Variants in DSCAML1 observed in about 807,000 individuals in gnomAD.
DSCAML1 encodes the protein DS cell adhesion molecule like 1.
A neutral mutation model predicts 200.5 loss-of-function variants in DSCAML1; 38 were observed. That is an observed-to-expected ratio of 0.19 (90% CI 0.15 to 0.25). DSCAML1 has a LOEUF of 0.25. Ranked by LOEUF, DSCAML1 falls within the 10% of genes least tolerant of loss-of-function variation. The probability of loss-of-function intolerance (pLI) is 1.00; values close to 1 mark genes in which losing one functional copy is unlikely to be tolerated. For synonymous variants in DSCAML1, 1,215 were observed against 1,165.0 expected (o/e 1.04, Z -0.87); for missense variants, 2,223 against 2,858.8 (o/e 0.78, Z 5.07).
At chr11:117,449,635 G>T (rs534893603) in intron 20 of DSCAML1, among the ~76,000 whole-genome samples, 2 of 152,028 alleles carry the variant, frequency 1.3e-5, no homozygotes, top group African/African-American at 2.4e-5. Context: ...CCTTGCTTCC[G>T]TTCCTTGCTT....
chr11:117,680,745 A>G (rs2053296163), intron 3 of DSCAML1, among the ~76,000 whole-genome samples: 1 of 152,184 alleles, frequency 6.6e-6, no homozygotes, highest in Admixed American at 6.5e-5. Flanking sequence ...CCAAGGAAAG[A>G]TCAAACAGGG....
At chr11:117,448,207 C>A (rs1465843371) in intron 20 of DSCAML1, among the ~76,000 whole-genome samples, 5 of 152,188 alleles carry the variant, frequency 3.3e-5, no homozygotes, top group Admixed American at 3.3e-4. Flanking sequence ...GGACACCAAC[C>A]TTGGAAAGAC....
chr11:117,532,121 A>T (rs1263392338), intron 4 of DSCAML1, among the ~76,000 whole-genome samples: 2 of 133,784 alleles, frequency 1.5e-5, no homozygotes, highest in African/African-American at 6.0e-5. Context: ...CAGCTTCCTG[A>T]CAGGAAAGAC....
Position 117,428,677 on chromosome 11 carries a change from T to C in DSCAML1, c.5813A>G (p.His1938Arg), listed in dbSNP as rs756455771. 7 of 1,612,526 alleles carry C rather than the reference T, an allele frequency of 4.3e-6. No homozygotes were observed. Among genetic ancestry groups the C allele is most frequent in the South Asian group, 1.1e-5 (1 of 90,610 alleles). ...ASIRNLARTY[H>R]TQARHLTLDP... ...CAGGGTCAGGTGGCGAGCCTGGGTG[T>C]GGTAGGTTCGAGCCAGGTTCCGGAT... Residue 1938 changes from histidine (H) to arginine (R), a missense_variant, in exon 33 of 33, where the codon CAC becomes CGC. By Grantham distance (29) the His-to-Arg change is conservative (BLOSUM62 0). Coordinates refer to ENST00000651296, the MANE Select transcript of DSCAML1 (RefSeq NM_020693.4).
In DSCAML1 at chr11:117,675,470, A is replaced by ATTTTTT. The variant is rs533948278; in HGVS notation, c.511+101315_511+101320dup. Among the ~76,000 whole-genome samples, 407 of 96,914 alleles carry ATTTTTT rather than the reference A, an allele frequency of 4.2e-3. 5 individuals carry two copies. Among genetic ancestry groups the ATTTTTT allele is most frequent in the South Asian group, 9.5e-3 (21 of 2,210 alleles). The allele number at this position is 96,914 out of a possible 152,430, so 63.6% of individuals were successfully genotyped here. A position where few individuals can be genotyped will look rare whatever the true frequency, so the allele number is the denominator to read the frequency against. On this transcript the variant is annotated intron_variant, in intron 3 of 32. Transcript: ENST00000651296. ...GTGCCCCTATGCCTGGCTGATTGAA[A>ATTTTTT]TTTTTTTTTTTTTTTTTTTTTTTTT...
Position 117,797,134 on chromosome 11 carries a change from A to G in DSCAML1, c.-55T>C, listed in dbSNP as rs2055597120. ...GTGGTCCTGTGGCCGGCCGTGCGGC[A>G]GCGCCTCTCCCCCGCTCAGCGCGCT... On this transcript the variant is annotated 5_prime_UTR_variant, in exon 1 of 33. Transcript: ENST00000651296. The G allele has an allele frequency of 1.3e-6, 2 of 1,591,242 alleles. No homozygotes were observed. The highest frequency in any genetic ancestry group is 1.7e-6 in the Non-Finnish European group (2 of 1,170,012).
rs114000558 is a variant in DSCAML1, at chr11:117,491,218, C to T, written c.2360-9056G>A. The stretch of plus-strand genomic sequence containing the variant: ...AAAAGGAAGCCTGGGTACATCTTCA[C>T]CCCATTCATGGGCATGACTACGATA... On this transcript the variant is annotated intron_variant, in intron 11 of 32. Coordinates refer to ENST00000651296, the MANE Select transcript of DSCAML1 (RefSeq NM_020693.4). Among the ~76,000 whole-genome samples, 869 of 152,326 alleles carry T rather than the reference C, an allele frequency of 5.7e-3. 6 individuals carry two copies. The highest frequency in any genetic ancestry group is 0.02 in the African/African-American group (820 of 41,562).
intron 3 of DSCAML1, among the ~76,000 whole-genome samples, chr11:117,613,258 G>A (rs1214304577): frequency 6.6e-6 from 1 of 151,962 alleles, no homozygotes; most frequent in African/African-American, 2.4e-5. Flanking sequence ...TGCTGGGGAC[G>A]CACACCAGGC....
chr11:117,437,293 A>G lies in DSCAML1; in HGVS notation c.4549T>C (p.Tyr1517His), dbSNP rs748837469. The G allele has an allele frequency of 2.5e-6, 4 of 1,614,248 alleles. No homozygotes were observed. Among genetic ancestry groups the G allele is most frequent in the South Asian group, 1.1e-5 (1 of 91,086 alleles). The change falls in exon 26 of 33, where the codon TAC (tyrosine) becomes CAC (histidine). Residue 1517 changes from tyrosine to histidine, a missense_variant. By Grantham distance (83) the Tyr-to-His change is moderately conservative. Coordinates refer to ENST00000651296, the MANE Select transcript of DSCAML1 (RefSeq NM_020693.4). The surrounding 1 kb of genome is among the most constrained non-coding windows in gnomAD (Gnocchi z 5.3). The part of the protein sequence containing the change: ...GCPITAIVLE[Y>H]RPKGTWAWQG... The stretch of plus-strand genomic sequence containing the variant: ...CAGGCCCAGGTCCCCTTGGGCCGGT[A>G]CTCCAGAACGATGGCTGTGATAGGG...
rs369532342 is a variant in DSCAML1 at position 117,539,351 on chromosome 11, T to C, written c.512-6829A>G. On this transcript the variant is annotated intron_variant, in intron 3 of 32. Transcript: ENST00000651296. ...GGCTGGGCGCAGTGGCTCACACCTA[T>C]AATCCCAGTACTTTGGGAGGCCAAG... 8.5e-5 allele frequency among the ~76,000 whole-genome samples: 13 copies of C among 152,154 alleles called. No individual in the cohort carries two copies. In the South Asian group the frequency reaches 2.7e-3, roughly 32 times the overall value.
chr11:117,614,249 G>A (rs1358998156), intron 3 of DSCAML1, among the ~76,000 whole-genome samples: 2 of 152,012 alleles, frequency 1.3e-5, no homozygotes, highest in South Asian at 2.1e-4. Flanking sequence ...TGCTCACATC[G>A]CTATCCCCAG....
intron 3 of DSCAML1, among the ~76,000 whole-genome samples, chr11:117,555,784 G>A (rs2050548575): frequency 6.6e-6 from 1 of 152,084 alleles, no homozygotes; most frequent in Admixed American, 6.6e-5. Context: ...TTCAGCAGAG[G>A]GAGAGAGGGT....
At chr11:117,748,632 A>T (rs2054554575) in intron 3 of DSCAML1, among the ~76,000 whole-genome samples, 1 of 152,104 alleles carries the variant, frequency 6.6e-6, no homozygotes, top group Non-Finnish European at 1.5e-5. Flanking sequence ...CCTGCAATCC[A>T]CTTTGGAGAT....
rs139791792 is a variant in DSCAML1, at chr11:117,764,565, C to T, written c.511+12226G>A. ...AATAATGAACTAAAAATCCAATCAACGGATTGTTGCTTATGCCAACCTAGG... is the reference window on the plus strand; with the variant it reads ...AATAATGAACTAAAAATCCAATCAATGGATTGTTGCTTATGCCAACCTAGG... On this transcript the variant is annotated intron_variant, in intron 3 of 32. Coordinates refer to ENST00000651296, the MANE Select transcript of DSCAML1 (RefSeq NM_020693.4). Among the ~76,000 whole-genome samples, 1,339 of 152,294 alleles carry T rather than the reference C, an allele frequency of 8.8e-3. 14 individuals are homozygous for T. The highest frequency in any genetic ancestry group is 0.025 in the African/African-American group (1,027 of 41,554).
At chr11:117,755,117 T>C (rs1347324746) in intron 3 of DSCAML1, among the ~76,000 whole-genome samples, 4 of 152,236 alleles carry the variant, frequency 2.6e-5, no homozygotes, top group South Asian at 4.2e-4. Context: ...TCTGAGGAAA[T>C]TGTGCTACAC....
chr11:117,450,529 C>G lies in DSCAML1; in HGVS notation c.3708+20G>C. 1 of 1,610,940 alleles carries G rather than the reference C, an allele frequency of 6.2e-7. No homozygotes were observed. The highest frequency in any genetic ancestry group is 8.5e-7 in the Non-Finnish European group (1 of 1,178,664). The stretch of plus-strand genomic sequence containing the variant: ...TCTTTTCTTCCATCCCCTTCATCAT[C>G]TGGCCCTGAACTCACTTACCGGCTG... On this transcript the variant is annotated intron_variant, in intron 20 of 32. Transcript: ENST00000651296.
intron 3 of DSCAML1, among the ~76,000 whole-genome samples, chr11:117,576,471 G>T (rs2050935253): frequency 6.6e-6 from 1 of 152,130 alleles, no homozygotes; most frequent in Non-Finnish European, 1.5e-5. Context: ...TCTACTCCCA[G>T]TTCCCTTCAC....
At chr11:117,712,749 A>G (rs2053872638) in intron 3 of DSCAML1, among the ~76,000 whole-genome samples, 1 of 152,052 alleles carries the variant, frequency 6.6e-6, no homozygotes, top group Admixed American at 6.6e-5. Context: ...CAAACCAGAG[A>G]CAGCAGAGAT....
rs186617582 is a variant in DSCAML1 at position 117,546,818 on chromosome 11, A to T, written c.512-14296T>A. On this transcript the variant is annotated intron_variant, in intron 3 of 32. Transcript: ENST00000651296. ...TTTCTCTACCCCAGGATTAGCACAC[A>T]TCTCTCATCCTCATATTGCAACAAG... Among the ~76,000 whole-genome samples, 472 of 152,092 alleles carry T rather than the reference A, an allele frequency of 3.1e-3. 2 individuals are homozygous for T. Among genetic ancestry groups the T allele is most frequent in the African/African-American group, 9.4e-3 (392 of 41,490 alleles).
Sources: allele counts gnomAD v4.1 joint callset (sites outside exome capture counted in the v4.1 genomes callset), GRCh38; gene constraint gnomAD v4.1.1; non-coding constraint Gnocchi (gnomAD v3.1); transcripts MANE v1.5; gene names NCBI Gene and HGNC (gene_info 2026-07-23, HGNC 2026-07-21).